The following YTHDC2 variants were observed in gnomAD, a reference collection of about 807,000 sequenced individuals.
The protein encoded by YTHDC2 is 3'-5' RNA helicase YTHDC2.
YTHDC2 carries 45 observed loss-of-function variants against 174.9 expected under a neutral mutation model. The ratio of observed to expected loss-of-function variants is 0.26; its 90% CI spans 0.20 to 0.33. The LOEUF is 0.33. Among genes scored for constraint, YTHDC2 ranks in the 10% least tolerant of loss-of-function variants. The pLI is 1.00. For missense variants in YTHDC2, 1,650 were observed against 1,723.7 expected, an observed-to-expected ratio of 0.96 and a Z score of 0.76; for synonymous variants, 657 against 574.5, an observed-to-expected ratio of 1.14 and a Z score of -2.05.
intron 17 of YTHDC2, 90 bp downstream of exon 17, chr5:113,556,224 C>G (rs912340160): frequency 4.9e-6 from 3 of 611,606 alleles, no homozygotes; most frequent in African/African-American, 3.8e-5. Flanking sequence ...ATTCCATGTT[C>G]AATAAAATAG....
rs753868106 is a variant in YTHDC2, at chr5:113,561,060, T to C, written c.2217-20T>C. 2 of 1,589,416 alleles carry C rather than the reference T, an allele frequency of 1.3e-6. No homozygotes were observed. Among genetic ancestry groups the C allele is most frequent in the Non-Finnish European group, 1.7e-6 (2 of 1,166,038 alleles). ...CCTTTATTCGTTGTTTGAGTCCTAA[T>C]CTTGTACTTTATTTTTAAGGGCAGG... On this transcript the variant is annotated intron_variant, in intron 17 of 29. Coordinates refer to ENST00000161863, the MANE Select transcript of YTHDC2 (RefSeq NM_022828.5).
intron 10 of YTHDC2, among the ~76,000 whole-genome samples, chr5:113,547,956 C>T (rs113456360): frequency 6.6e-6 from 1 of 152,146 alleles, no homozygotes; most frequent in African/African-American, 2.4e-5. Context: ...TAGGAAGAAA[C>T]TTCAATAGAA....
At chr5:113,522,715 C>G (rs190568970) in intron 2 of YTHDC2, among the ~76,000 whole-genome samples, 1 of 152,210 alleles carries the variant, frequency 6.6e-6, no homozygotes, top group Non-Finnish European at 1.5e-5. Flanking sequence ...TGACAAATTT[C>G]TACTGTATTT....
At chr5:113,550,337 A>C (rs980659951) in intron 12 of YTHDC2, among the ~76,000 whole-genome samples, 62 of 152,246 alleles carry the variant, frequency 4.1e-4, no homozygotes, top group African/African-American at 1.4e-3. Flanking sequence ...CTGTTAGATA[A>C]TTTGGGAAGA....
chr5:113,515,390 T>A, intron 2 of YTHDC2, 28 bp downstream of exon 2: 7 of 1,566,066 alleles, frequency 4.5e-6, no homozygotes, highest in Non-Finnish European at 6.1e-6. Flanking sequence ...CTTATTTTTT[T>A]TAAAAAAGAT....
At chr5:113,526,826 A>ATATATAT (rs1554092443) in intron 4 of YTHDC2, 41 bp downstream of exon 4, 12 of 146,202 alleles carry the variant, frequency 8.2e-5, no homozygotes, top group African/African-American at 3.6e-5. Context: ...AAAAAAAAAA[A>ATATATAT]ATATATATAT....
At chr5:113,585,861 A>T (rs796384021) in intron 26 of YTHDC2, among the ~76,000 whole-genome samples, 6 of 152,032 alleles carry the variant, frequency 3.9e-5, no homozygotes, top group African/African-American at 1.4e-4. Flanking sequence ...CCATTTCTAG[A>T]TAGACTATGG....
chr5:113,586,146 G>A (rs1778669731), intron 26 of YTHDC2, among the ~76,000 whole-genome samples: 1 of 151,966 alleles, frequency 6.6e-6, no homozygotes, highest in Non-Finnish European at 1.5e-5. Context: ...AGTTCCATTT[G>A]CTCCATATTC....
chr5:113,579,445 C>A, intron 23 of YTHDC2, 141 bp from the exon 24 acceptor site: 1 of 502,254 alleles, frequency 2.0e-6, no homozygotes. Context: ...AACATGTGAT[C>A]TTTTGAGTTT....
rs1400002200 is a variant in YTHDC2, at chr5:113,514,019, G to A, written c.124G>A (p.Asp42Asn). 6.2e-7 allele frequency: 1 copy of A among 1,610,976 alleles called. No individual in the cohort carries two copies. The highest frequency in any genetic ancestry group is 8.5e-7 in the Non-Finnish European group (1 of 1,178,892). ...CAAGGGGCTGAAGGACATTCGCATT[G>A]ATGAGGAGGTGAAGATCGCAGTCAA... ...RAKGLKDIRI[D>N]EEVKIAVNIA... The change falls in exon 1 of 30, where the codon GAT becomes AAT. Residue 42 changes from aspartate (D) to asparagine (N), a missense_variant. Asp to Asn is a conservative substitution (Grantham distance 23). Around this residue, in one of 5 missense-constraint regions of YTHDC2, gnomAD observed 304 missense variants for 341.4 expected, o/e 0.89. Transcript: ENST00000161863.
intron 4 of YTHDC2, among the ~76,000 whole-genome samples, chr5:113,532,212 T>A (rs1774721938): frequency 6.6e-6 from 1 of 152,166 alleles, no homozygotes; most frequent in Admixed American, 6.5e-5. Context: ...TTAAGTACAG[T>A]CATCACTTTG....
rs374668624 is a variant in YTHDC2 at position 113,516,724 on chromosome 5, G to A, written c.278+1362G>A. On this transcript the variant is annotated intron_variant, in intron 2 of 29. Transcript: ENST00000161863. ...GAAAAGGATAAAATTTCAGCTTACCGGTATGTTTTTAGGTTAGGAAGAGGG... is the reference window on the plus strand; with the variant it reads ...GAAAAGGATAAAATTTCAGCTTACCAGTATGTTTTTAGGTTAGGAAGAGGG... Among the ~76,000 whole-genome samples, 3 of 73,440 alleles carry A rather than the reference G, an allele frequency of 4.1e-5. No individual in the cohort carries two copies. The Admixed American group carries it at 5.4e-4, about 13-fold the overall frequency. The allele number at this position is 73,440 out of a possible 152,430, so 48.2% of individuals were successfully genotyped here. A position where few individuals can be genotyped will look rare whatever the true frequency, so the allele number is the denominator to read the frequency against.
chr5:113,528,110 G>T (rs1774402472), intron 4 of YTHDC2, among the ~76,000 whole-genome samples: 1 of 152,112 alleles, frequency 6.6e-6, no homozygotes, highest in African/African-American at 2.4e-5. Flanking sequence ...AGAGATTATG[G>T]AAGTTTCGAT....
intron 23 of YTHDC2, among the ~76,000 whole-genome samples, chr5:113,577,349 C>T (rs1778119433): frequency 1.4e-5 from 2 of 146,744 alleles, no homozygotes; most frequent in Non-Finnish European, 3.0e-5. Flanking sequence ...CTTTTGCAAA[C>T]AACAGTTCTT....
chr5:113,518,863 A>G (rs966310448), intron 2 of YTHDC2, among the ~76,000 whole-genome samples: 1 of 151,958 alleles, frequency 6.6e-6, no homozygotes, highest in African/African-American at 2.4e-5. Flanking sequence ...CTTCTAAATA[A>G]TTGAATTTTA....
chr5:113,547,016 TAGTTTCC>T (rs2112644782), intron 10 of YTHDC2, among the ~76,000 whole-genome samples: 1 of 152,330 alleles, frequency 6.6e-6, no homozygotes, highest in African/African-American at 2.4e-5. Context: ...TTTTATGACC[TAGTTTCC>T]AGACTTGCAC....
intron 6 of YTHDC2, 68 bp downstream of exon 6, chr5:113,534,475 C>A: frequency 7.2e-7 from 1 of 1,384,726 alleles, no homozygotes; most frequent in South Asian, 1.2e-5. Flanking sequence ...TATGCCGTTT[C>A]AGGATAGTCT....
At chr5:113,546,967 A>G (rs1033732859) in intron 10 of YTHDC2, among the ~76,000 whole-genome samples, 2 of 152,168 alleles carry the variant, frequency 1.3e-5, no homozygotes, top group African/African-American at 4.8e-5. Context: ...GAGTGATTCA[A>G]GAGAGAAAGA....
chr5:113,578,869 C>T (rs4705556), intron 23 of YTHDC2, among the ~76,000 whole-genome samples: 51,062 of 151,842 alleles, frequency 0.34, 11,088 homozygotes, highest in African/African-American at 0.61. Flanking sequence ...TAGTAATTTT[C>T]GTGTAGAAAA....
Sources: allele counts gnomAD v4.1 joint callset (sites outside exome capture counted in the v4.1 genomes callset), GRCh38; gene constraint gnomAD v4.1.1; regional missense constraint gnomAD v4.1.1; transcripts MANE v1.5; gene names NCBI Gene and HGNC (gene_info 2026-07-23, HGNC 2026-07-21).